Variants in MAGI2 observed in about 807,000 individuals in gnomAD.
The protein encoded by MAGI2 is membrane-associated guanylate kinase, WW and PDZ domain-containing protein 2.
Under a neutral mutation model 133.3 loss-of-function variants are expected in MAGI2, and 35 were observed. The ratio of observed to expected loss-of-function variants is 0.26; its 90% CI spans 0.20 to 0.35. The LOEUF (loss-of-function observed/expected upper bound fraction) is 0.35, where lower values mean the gene tolerates loss of function less well. MAGI2 is among the 10% of genes least tolerant of loss of function. MAGI2 has a pLI of 1.00. For missense variants in MAGI2, 1,636 were observed against 1,863.4 expected (o/e 0.88, Z 2.25); for synonymous variants, 729 against 710.6 (o/e 1.03, Z -0.41).
intron 10 of MAGI2, among the ~76,000 whole-genome samples, chr7:78,229,119 A>G (rs1336896381): frequency 1.3e-5 from 2 of 152,244 alleles, no homozygotes; most frequent in Non-Finnish European, 2.9e-5. Context: ...ACTTATTCCC[A>G]AACTCAAAAG....
chr7:78,698,843 G>A (rs754647853), intron 2 of MAGI2, among the ~76,000 whole-genome samples: 5 of 152,118 alleles, frequency 3.3e-5, no homozygotes, highest in Non-Finnish European at 7.3e-5. Flanking sequence ...CAGAAGAACA[G>A]CATGAGGGTA....
intron 1 of MAGI2, among the ~76,000 whole-genome samples, chr7:79,220,552 A>G (rs1271037906): frequency 6.6e-6 from 1 of 151,920 alleles, no homozygotes; most frequent in South Asian, 2.1e-4. Flanking sequence ...TGAAAGATGG[A>G]CCCTTTAAAG....
intron 2 of MAGI2, among the ~76,000 whole-genome samples, chr7:78,695,461 G>A (rs987681326): frequency 1.3e-5 from 2 of 152,100 alleles, no homozygotes; most frequent in Non-Finnish European, 2.9e-5. Flanking sequence ...TCACAGAGAA[G>A]CATTTCAAAT....
chr7:78,133,651 T>A (rs1447290989), intron 17 of MAGI2, among the ~76,000 whole-genome samples: 1 of 152,204 alleles, frequency 6.6e-6, no homozygotes, highest in Non-Finnish European at 1.5e-5. Context: ...GCTAATAACA[T>A]CAAATTTTCA....
chr7:78,943,726 AT>A (rs2151685733), intron 2 of MAGI2, among the ~76,000 whole-genome samples: 1 of 152,266 alleles, frequency 6.6e-6, no homozygotes, highest in Non-Finnish European at 1.5e-5. Context: ...TGCAAGTAGC[AT>A]TTTGTTGCCT....
chr7:79,218,884 T>A (rs1241149151), intron 1 of MAGI2, among the ~76,000 whole-genome samples: 1 of 152,116 alleles, frequency 6.6e-6, no homozygotes, highest in Non-Finnish European at 1.5e-5. Context: ...ATTGAAAACA[T>A]GTAATGTGTA....
rs10639427 is a variant in MAGI2 at position 79,425,578 on chromosome 7, TTATA to T, written c.301+27438_301+27441del. ...AACTGTTTTGCAGAAAATAAGGGTT[TTATA>T]TATATATATATATATATGTATATAT... is the stretch of plus-strand genomic sequence containing the variant. On this transcript the variant is annotated intron_variant, in intron 1 of 21. Transcript: ENST00000354212. 8.5e-3 allele frequency among the ~76,000 whole-genome samples: 1,116 copies of T among 131,356 alleles called. 6 individuals carry two copies. Among genetic ancestry groups the T allele is most frequent in the Middle Eastern group, 0.038 (10 of 260 alleles). The allele number at this position is 131,356 out of a possible 152,430, so 86.2% of individuals were successfully genotyped here. A position where few individuals can be genotyped will look rare whatever the true frequency, so the allele number is the denominator to read the frequency against.
intron 2 of MAGI2, among the ~76,000 whole-genome samples, chr7:78,966,219 C>T (rs1016325011): frequency 3.9e-5 from 6 of 152,062 alleles, no homozygotes; most frequent in African/African-American, 1.2e-4. Context: ...CTCTTAATAA[C>T]TTTTTAAGTG....
intron 6 of MAGI2, among the ~76,000 whole-genome samples, chr7:78,430,240 C>CT (rs545809101): frequency 0.12 from 8,786 of 76,342 alleles, 766 homozygotes; most frequent in Non-Finnish European, 0.14. Context: ...CTGGAAAAGC[C>CT]TTTTTTTTTT....
At chr7:78,650,383 A>G (rs1811426254) in intron 2 of MAGI2, among the ~76,000 whole-genome samples, 1 of 152,158 alleles carries the variant, frequency 6.6e-6, no homozygotes, top group Non-Finnish European at 1.5e-5. Context: ...TTGGGTGGAG[A>G]AGTGGGAACC....
chr7:78,293,071 C>A (rs77722520), intron 9 of MAGI2, among the ~76,000 whole-genome samples: 104,640 of 152,036 alleles, frequency 0.69, 36,658 homozygotes, highest in African/African-American at 0.8. Flanking sequence ...AACAAAAGCC[C>A]AAATTGACAA....
chr7:78,890,123 A>G (rs1262825173), intron 2 of MAGI2, among the ~76,000 whole-genome samples: 1 of 152,228 alleles, frequency 6.6e-6, no homozygotes, highest in Non-Finnish European at 1.5e-5. Flanking sequence ...ATCAAAAGAG[A>G]CAAAGAAGGC....
chr7:78,520,573 T>C (rs1796409995), intron 4 of MAGI2, among the ~76,000 whole-genome samples: 1 of 152,036 alleles, frequency 6.6e-6, no homozygotes, highest in Non-Finnish European at 1.5e-5. Context: ...TATGCTACCA[T>C]TAAAAAATAA....
chr7:78,791,381 T>C (rs1827228590), intron 2 of MAGI2, among the ~76,000 whole-genome samples: 1 of 152,202 alleles, frequency 6.6e-6, no homozygotes, highest in Non-Finnish European at 1.5e-5. Flanking sequence ...TTATTAATGG[T>C]ATAATTTAGC....
intron 1 of MAGI2, among the ~76,000 whole-genome samples, chr7:79,024,952 T>C (rs904061446): frequency 2.6e-5 from 4 of 152,178 alleles, no homozygotes; most frequent in Non-Finnish European, 5.9e-5. Flanking sequence ...TGGTGATTTT[T>C]CAAGGAACTT....
intron 6 of MAGI2, among the ~76,000 whole-genome samples, chr7:78,475,679 T>G (rs1297694334): frequency 4.0e-5 from 6 of 151,800 alleles, no homozygotes; most frequent in Non-Finnish European, 8.8e-5. Context: ...GTATTCATAA[T>G]AGCAGACGGA....
rs1849435949 is a variant in MAGI2, at chr7:79,453,410, C to T, written c.-90G>A. ...ATGAGGATGGAGGAGCAAGGGGGCC[C>T]AGGGGGAAGAACAGCAGACTTTGCC... is the stretch of plus-strand genomic sequence containing the variant. On this transcript the variant is annotated 5_prime_UTR_variant, in exon 1 of 22. Coordinates refer to ENST00000354212, the MANE Select transcript of MAGI2 (RefSeq NM_012301.4). 5.3e-6 allele frequency: 8 copies of T among 1,511,234 alleles called. No homozygotes were observed. The South Asian group carries it at 8.1e-5, about 15-fold the overall frequency. The allele number at this position is 1,511,234 out of a possible 1,614,324, so 93.6% of individuals were successfully genotyped here. A position where few individuals can be genotyped will look rare whatever the true frequency, so the allele number is the denominator to read the frequency against.
chr7:78,589,305 G>T (rs1803747604), intron 3 of MAGI2, among the ~76,000 whole-genome samples: 1 of 152,166 alleles, frequency 6.6e-6, no homozygotes, highest in African/African-American at 2.4e-5. Flanking sequence ...CAAAACCCCA[G>T]TGAGGGAGGT....
chr7:79,078,879 C>A (rs2129541739), intron 1 of MAGI2, among the ~76,000 whole-genome samples: 1 of 152,148 alleles, frequency 6.6e-6, no homozygotes. Flanking sequence ...AATCCAAGGG[C>A]CCCAAGTGGT....
Sources: allele counts gnomAD v4.1 joint callset (sites outside exome capture counted in the v4.1 genomes callset), GRCh38; gene constraint gnomAD v4.1.1; transcripts MANE v1.5; gene names NCBI Gene and HGNC (gene_info 2026-07-23, HGNC 2026-07-21).